Variants in ADAM12 observed in about 807,000 individuals in gnomAD.
ADAM12 encodes ADAM metallopeptidase domain 12.
In ADAM12, 70 loss-of-function variants were observed where a neutral mutation model predicts 106.4. That is an observed-to-expected ratio of 0.66 (90% confidence interval 0.54 to 0.80). ADAM12 has a LOEUF of 0.80. Ranked by LOEUF, ADAM12 falls within the 30% of genes least tolerant of loss-of-function variation. The pLI, the probability that ADAM12 is intolerant of heterozygous loss-of-function variation, is 0.00. For missense variants in ADAM12, 1,010 were observed against 1,171.9 expected (o/e 0.86, Z 2.02); for synonymous variants, 420 against 433.5 (o/e 0.97, Z 0.39).
Position 126,248,735 on chromosome 10 carries a change from A to T in ADAM12, c.260+30180T>A, listed in dbSNP as rs113396622. 2.9e-3 allele frequency among the ~76,000 whole-genome samples: 442 copies of T among 150,840 alleles called. 3 individuals are homozygous for T. The highest frequency in any genetic ancestry group is 0.011 in the African/African-American group (427 of 40,608). On this transcript the variant is annotated intron_variant, in intron 3 of 22. Coordinates refer to ENST00000448723, the MANE Select transcript of ADAM12 (RefSeq NM_001288973.2). ...TATTTATTTATTTATTTTGAGACAG[A>T]GTCTCTGTCGCCCAGGCTGAAGTGC... is the stretch of plus-strand genomic sequence containing the variant.
chr10:126,325,866 A>T (rs1037697813), intron 2 of ADAM12, among the ~76,000 whole-genome samples: 1 of 152,150 alleles, frequency 6.6e-6, no homozygotes, highest in African/African-American at 2.4e-5. Context: ...TCTCATTCTC[A>T]CAATGACCCT....
intron 5 of ADAM12, 51 bp downstream of exon 5, chr10:126,135,533 G>T: frequency 6.5e-7 from 1 of 1,535,788 alleles, no homozygotes; most frequent in Non-Finnish European, 9.0e-7. Context: ...GACAGAGGTT[G>T]CCTGCAGTAG....
chr10:126,174,549 C>A (rs1460942959), intron 3 of ADAM12, among the ~76,000 whole-genome samples: 1 of 152,140 alleles, frequency 6.6e-6, no homozygotes, highest in Non-Finnish European at 1.5e-5. Context: ...CCGTACCAGA[C>A]AACTGGCACA....
At chr10:126,046,689 G>A (rs1441031970) in intron 16 of ADAM12, among the ~76,000 whole-genome samples, 3 of 150,910 alleles carry the variant, frequency 2.0e-5, no homozygotes, top group East Asian at 3.9e-4. Flanking sequence ...TGTAATTCCA[G>A]CTTCTTGGGA....
intron 2 of ADAM12, among the ~76,000 whole-genome samples, chr10:126,306,564 A>G (rs1960853369): frequency 6.6e-6 from 1 of 152,140 alleles, no homozygotes; most frequent in Admixed American, 6.5e-5. Context: ...TGATTCTGTT[A>G]GAGACGAATT....
intron 1 of ADAM12, among the ~76,000 whole-genome samples, chr10:126,332,154 A>C (rs1398325839): frequency 6.6e-6 from 1 of 152,336 alleles, no homozygotes; most frequent in East Asian, 1.9e-4. Context: ...CCACTCACCA[A>C]GTATTCAACT....
At chr10:126,258,976 T>C (rs963531878) in intron 3 of ADAM12, among the ~76,000 whole-genome samples, 2 of 152,212 alleles carry the variant, frequency 1.3e-5, no homozygotes, top group Non-Finnish European at 2.9e-5. Flanking sequence ...GTGTCCCCAG[T>C]GTGTTGTTCA....
intron 11 of ADAM12, among the ~76,000 whole-genome samples, chr10:126,085,404 A>G (rs1462793226): frequency 2.0e-5 from 3 of 152,224 alleles, no homozygotes; most frequent in Non-Finnish European, 4.4e-5. Context: ...CATTACACAG[A>G]TAAGGAAGAG....
At chr10:126,342,184 C>T (rs112201033) in intron 1 of ADAM12, among the ~76,000 whole-genome samples, 2,177 of 152,238 alleles carry the variant, frequency 0.014, 63 homozygotes, top group African/African-American at 0.05. Context: ...TCAAGCACTG[C>T]AATGATTGGA....
intron 21 of ADAM12, among the ~76,000 whole-genome samples, chr10:126,031,628 T>TTA (rs1953972812): frequency 6.6e-6 from 1 of 152,230 alleles, no homozygotes; most frequent in Admixed American, 6.5e-5. Flanking sequence ...TTCCTTGTAA[T>TTA]AGCTGCCACC....
rs1238282259 is a variant in ADAM12, at chr10:126,358,875, A to T, written c.89-28366T>A. 3.3e-5 allele frequency among the ~76,000 whole-genome samples: 5 copies of T among 152,332 alleles called. No individual in the cohort carries two copies. The East Asian group carries it at 9.6e-4, about 29-fold the overall frequency. The stretch of plus-strand genomic sequence containing the variant: ...AAGAGACTCTTCAAAAAAGAAATCA[A>T]GAGAAGAATCCTGTATTAGTCCATT... On this transcript the variant is annotated intron_variant, in intron 1 of 22. Transcript: ENST00000448723.
At chr10:126,210,076 C>T (rs2133834971) in intron 3 of ADAM12, among the ~76,000 whole-genome samples, 1 of 152,352 alleles carries the variant, frequency 6.6e-6, no homozygotes, top group South Asian at 2.1e-4. Flanking sequence ...CAACACTCAA[C>T]TCGATGACTG....
At chr10:126,045,946 A>G (rs1294245284) in intron 17 of ADAM12, 109 bp downstream of exon 17, 3 of 930,416 alleles carry the variant, frequency 3.2e-6, no homozygotes, top group African/African-American at 3.3e-5. Flanking sequence ...CAAACACAAT[A>G]ACTGCTCTAT....
At chr10:126,371,028 C>T (rs1856096971) in intron 1 of ADAM12, among the ~76,000 whole-genome samples, 1 of 152,150 alleles carries the variant, frequency 6.6e-6, no homozygotes, top group Non-Finnish European at 1.5e-5. Context: ...TCGTGTAAGT[C>T]CCATTTCTAG....
intron 2 of ADAM12, among the ~76,000 whole-genome samples, chr10:126,285,853 G>T (rs573227252): frequency 3.3e-5 from 5 of 152,166 alleles, no homozygotes; most frequent in Non-Finnish European, 5.9e-5. Context: ...GCCCCCAGGT[G>T]CCTGTGTTCT....
intron 1 of ADAM12, among the ~76,000 whole-genome samples, chr10:126,383,033 C>T (rs562465862): frequency 3.5e-4 from 54 of 152,274 alleles, no homozygotes; most frequent in Non-Finnish European, 6.9e-4. Flanking sequence ...CAGCCTTGAC[C>T]TCCTGGACTC....
chr10:126,380,575 C>T (rs192701833), intron 1 of ADAM12, among the ~76,000 whole-genome samples: 57 of 152,262 alleles, frequency 3.7e-4, no homozygotes, highest in Non-Finnish European at 6.2e-4. Flanking sequence ...ACCTGCGCAC[C>T]GCTCCTGGCA....
chr10:126,139,843 T>A (rs1956478192), intron 4 of ADAM12, among the ~76,000 whole-genome samples: 1 of 152,222 alleles, frequency 6.6e-6, no homozygotes, highest in African/African-American at 2.4e-5. Flanking sequence ...CCAGGTCACC[T>A]CCTTAGCTTT....
intron 4 of ADAM12, among the ~76,000 whole-genome samples, chr10:126,139,304 C>T (rs571923323): frequency 1.3e-5 from 2 of 151,868 alleles, no homozygotes; most frequent in Non-Finnish European, 2.9e-5. Context: ...TTTTGTTAAG[C>T]TTATGTATAG....
Sources: allele counts gnomAD v4.1 joint callset (sites outside exome capture counted in the v4.1 genomes callset), GRCh38; gene constraint gnomAD v4.1.1; transcripts MANE v1.5; gene names NCBI Gene and HGNC (gene_info 2026-07-23, HGNC 2026-07-21).